Variants in SBF2 observed in about 807,000 individuals in gnomAD.
SBF2 encodes myotubularin-related protein 13.
Under a neutral mutation model 225.2 loss-of-function variants are expected in SBF2, and 112 were observed. The observed-to-expected ratio is 0.50, with a 90% CI of 0.43 to 0.58. The LOEUF is 0.58. Among genes scored for constraint, SBF2 ranks in the 20% least tolerant of loss-of-function variants. The probability of loss-of-function intolerance (pLI) is 0.00; values close to 1 mark genes in which losing one functional copy is unlikely to be tolerated. For synonymous variants in SBF2, 763 were observed against 773.3 expected (o/e 0.99, Z 0.22); for missense variants, 1,996 against 2,206.2 (o/e 0.90, Z 1.91).
chr11:10,139,396 T>G (rs776843404), intron 2 of SBF2, among the ~76,000 whole-genome samples: 1 of 152,202 alleles, frequency 6.6e-6, no homozygotes, highest in African/African-American at 2.4e-5. Context: ...TCATCTGTGA[T>G]GTCAAAGACT....
At chr11:9,805,709 G>A (rs12800062) in intron 32 of SBF2, among the ~76,000 whole-genome samples, 26,110 of 151,920 alleles carry the variant, frequency 0.17, 2,934 homozygotes, top group Non-Finnish European at 0.24. Flanking sequence ...TGCAACCTCC[G>A]CCTCCCGGGT....
chr11:10,087,533 T>G (rs1399798655), intron 2 of SBF2, among the ~76,000 whole-genome samples: 1 of 152,232 alleles, frequency 6.6e-6, no homozygotes, highest in Non-Finnish European at 1.5e-5. Flanking sequence ...GTTAGCTAAC[T>G]GCCCATATCT....
At chr11:10,188,660 CA>C (rs1565336059) in intron 2 of SBF2, among the ~76,000 whole-genome samples, 1 of 152,092 alleles carries the variant, frequency 6.6e-6, no homozygotes, top group East Asian at 1.9e-4. Context: ...GTATTAGAAT[CA>C]TAACACCAAG....
At chr11:10,120,668 T>C (rs528126459) in intron 2 of SBF2, among the ~76,000 whole-genome samples, 106 of 152,304 alleles carry the variant, frequency 7.0e-4, no homozygotes, top group Non-Finnish European at 1.2e-3. Context: ...TCACCCAGGC[T>C]GGAGTGCAGT....
At chr11:9,888,578 A>G (rs1564960532) in intron 17 of SBF2, among the ~76,000 whole-genome samples, 1 of 152,144 alleles carries the variant, frequency 6.6e-6, no homozygotes, top group Non-Finnish European at 1.5e-5. Context: ...AGGGTAAACC[A>G]TAACAACTTG....
chr11:10,212,944 G>T (rs2135386585), intron 1 of SBF2, among the ~76,000 whole-genome samples: 1 of 152,196 alleles, frequency 6.6e-6, no homozygotes, highest in Admixed American at 6.5e-5. Context: ...AGCTATTCAG[G>T]AGGCTGAAGC....
At chr11:10,279,518 A>T (rs150852968) in intron 1 of SBF2, among the ~76,000 whole-genome samples, 212 of 152,240 alleles carry the variant, frequency 1.4e-3, no homozygotes, top group Middle Eastern at 6.8e-3. Context: ...TTCTTGGCAC[A>T]TATCACCACT....
At chr11:9,924,672 T>A (rs1863894076) in intron 16 of SBF2, among the ~76,000 whole-genome samples, 1 of 152,200 alleles carries the variant, frequency 6.6e-6, no homozygotes, top group African/African-American at 2.4e-5. Context: ...CCTCAGGCGA[T>A]CCACCCCCCT....
chr11:10,124,270 C>T (rs1953630813), intron 2 of SBF2, among the ~76,000 whole-genome samples: 1 of 152,152 alleles, frequency 6.6e-6, no homozygotes, highest in African/African-American at 2.4e-5. Flanking sequence ...CCACAGTACA[C>T]TAACATTAAG....
intron 32 of SBF2, among the ~76,000 whole-genome samples, chr11:9,799,131 G>A (rs1853328062): frequency 6.6e-6 from 1 of 152,120 alleles, no homozygotes; most frequent in African/African-American, 2.4e-5. Flanking sequence ...CACTTCTGAG[G>A]TAACAGTAGA....
intron 17 of SBF2, among the ~76,000 whole-genome samples, chr11:9,876,938 CA>C (rs1859304465): frequency 6.6e-6 from 1 of 152,162 alleles, no homozygotes; most frequent in South Asian, 2.1e-4. Context: ...AGGGTTTCAC[CA>C]TGTTGGCCAG....
At chr11:10,131,303 G>T (rs1954041214) in intron 2 of SBF2, among the ~76,000 whole-genome samples, 1 of 151,518 alleles carries the variant, frequency 6.6e-6, no homozygotes, top group Admixed American at 6.6e-5. Context: ...ACGGCTCACT[G>T]CAGCCTTGAC....
chr11:10,177,412 G>C (rs1956517740), intron 2 of SBF2, among the ~76,000 whole-genome samples: 1 of 149,048 alleles, frequency 6.7e-6, no homozygotes, highest in South Asian at 2.1e-4. Context: ...GTCCCTGTTT[G>C]CAGACGACAT....
chr11:10,209,310 T>G (rs963012707), intron 1 of SBF2, among the ~76,000 whole-genome samples: 20 of 148,524 alleles, frequency 1.3e-4, no homozygotes, highest in South Asian at 6.3e-4. Context: ...CACAAATTTG[T>G]TTTTTTTTTT....
At chr11:9,851,173 T>C (rs1856925631) in intron 21 of SBF2, among the ~76,000 whole-genome samples, 1 of 142,452 alleles carries the variant, frequency 7.0e-6, no homozygotes, top group African/African-American at 2.5e-5. Flanking sequence ...AAACCCAGAA[T>C]ACATAGATTA....
Position 10,171,890 on chromosome 11 carries a change from G to A in SBF2, c.141+22012C>T, listed in dbSNP as rs542303033. On this transcript the variant is annotated intron_variant, in intron 2 of 39. Transcript: ENST00000256190. ...AATCTTGGTACGTTGTAAATCTCTG[G>A]GAATTTATCCATTTCTTCCAGGTTT... is the stretch of plus-strand genomic sequence containing the variant. 1.6e-3 allele frequency among the ~76,000 whole-genome samples: 239 copies of A among 152,136 alleles called. 2 individuals are homozygous for A. The highest frequency in any genetic ancestry group is 5.4e-3 in the African/African-American group (224 of 41,528).
chr11:9,780,077 T>C lies in SBF2; in HGVS notation c.*341A>G. 1 of 345,692 alleles carries C rather than the reference T, an allele frequency of 2.9e-6. No homozygotes were observed. The highest frequency in any genetic ancestry group is 2.7e-5 in the South Asian group (1 of 37,442). The allele number at this position is 345,692 out of a possible 1,614,324, so 21.4% of individuals were successfully genotyped here. On this transcript the variant is annotated 3_prime_UTR_variant, in exon 40 of 40. Transcript: ENST00000256190. Reference sequence around the variant, plus strand: ...TATGACCTCAGAGAACAAAAAAGGATCTATAGCTTTCATGAAGAAGGACCC... The same window carrying C: ...TATGACCTCAGAGAACAAAAAAGGACCTATAGCTTTCATGAAGAAGGACCC...
At chr11:9,962,774 A>G (rs976303131) in intron 15 of SBF2, among the ~76,000 whole-genome samples, 2 of 152,216 alleles carry the variant, frequency 1.3e-5, no homozygotes, top group African/African-American at 4.8e-5. Flanking sequence ...AAGCTTATTT[A>G]GCTAAAAAAT....
intron 16 of SBF2, chr11:9,928,913 A>G (rs905433836): frequency 2.5e-6 from 1 of 396,148 alleles, no homozygotes; most frequent in Non-Finnish European, 4.9e-6. Context: ...TGTTAGATAA[A>G]AATTAAATTC....
Sources: allele counts gnomAD v4.1 joint callset (sites outside exome capture counted in the v4.1 genomes callset), GRCh38; gene constraint gnomAD v4.1.1; transcripts MANE v1.5; gene names NCBI Gene and HGNC (gene_info 2026-07-23, HGNC 2026-07-21).